The following HNF4A variants were observed in gnomAD, a reference collection of about 807,000 sequenced individuals.
The protein encoded by HNF4A is hepatocyte nuclear factor 4 alpha, also known as hepatocyte nuclear factor 4-alpha.
HNF4A carries 15 observed loss-of-function variants against 52.4 expected under a neutral mutation model. That is an observed-to-expected ratio of 0.29 (90% CI 0.19 to 0.44). The LOEUF (loss-of-function observed/expected upper bound fraction) is 0.44. HNF4A is among the 20% of genes least tolerant of loss of function. HNF4A has a pLI of 1.00. For synonymous variants in HNF4A, 280 were observed against 264.4 expected, an observed-to-expected ratio of 1.06 and a Z score of -0.57; for missense variants, 479 against 647.2, an observed-to-expected ratio of 0.74 and a Z score of 2.82.
upstream of HNF4A, among the ~76,000 whole-genome samples, chr20:44,398,748 G>C (rs1005725611): frequency 3.9e-5 from 6 of 152,218 alleles, no homozygotes; most frequent in African/African-American, 1.4e-4. Flanking sequence ...CCACCTAGTA[G>C]CTCTTGGATA....
chr20:44,385,617 C>A (rs975872286), intron 1 of HNF4A, among the ~76,000 whole-genome samples: 2 of 151,636 alleles, frequency 1.3e-5, no homozygotes, highest in Admixed American at 1.3e-4. Context: ...TACAGGCATG[C>A]ACCACCACAC....
At chr20:44,370,978 C>T (rs1275227295) in intron 1 of HNF4A, among the ~76,000 whole-genome samples, 1 of 152,158 alleles carries the variant, frequency 6.6e-6, no homozygotes, top group Non-Finnish European at 1.5e-5. Context: ...AGGAGCAGGT[C>T]AGAAAGTTGT....
upstream of HNF4A, among the ~76,000 whole-genome samples, chr20:44,400,700 G>A (rs977553618): frequency 9.9e-5 from 15 of 152,112 alleles, no homozygotes; most frequent in African/African-American, 3.6e-4. Context: ...GGTGAATCTG[G>A]CCCTCCCAAA....
rs376508868 is a variant in HNF4A, at chr20:44,413,930, G to A, written c.492+130G>A. 24 of 713,684 alleles carry A rather than the reference G, an allele frequency of 3.4e-5. 2 individuals are homozygous for A. The highest frequency in any genetic ancestry group is 3.0e-4 in the South Asian group (20 of 66,682). The allele number at this position is 713,684 out of a possible 1,614,324, so 44.2% of individuals were successfully genotyped here. On this transcript the variant is annotated intron_variant, in intron 4 of 9. Transcript: ENST00000316099. The stretch of plus-strand genomic sequence containing the variant: ...GAGGGGCCTCAGATATTACAGAAGG[G>A]ACACTGAGTCCGGTTTCACATGGCC...
At chr20:44,396,555 A>C (rs974704788), upstream of HNF4A, among the ~76,000 whole-genome samples, 5 of 152,092 alleles carry the variant, frequency 3.3e-5, no homozygotes, top group African/African-American at 1.2e-4. Flanking sequence ...ACAGCAAGTG[A>C]GCAGAGGTAA....
In HNF4A at chr20:44,418,457, C is replaced by A. The variant is rs1213428004; in HGVS notation, c.681C>A (p.His227Gln). The change falls in exon 6 of 10, where the codon CAC (histidine) becomes CAA (glutamine). Residue 227 changes from histidine to glutamine, a missense_variant. His to Gln is a conservative substitution (Grantham distance 24). Transcript: ENST00000316099. ...TGCTCAGAGCCCATGCTGGCGAGCA[C>A]CTGCTGCTCGGAGCCACCAAGAGAT... is the stretch of plus-strand genomic sequence containing the variant. The A allele has an allele frequency of 1.2e-6, 2 of 1,613,830 alleles. No individual in the cohort carries two copies. Among genetic ancestry groups the A allele is most frequent in the Non-Finnish European group, 1.7e-6 (2 of 1,179,986 alleles).
chr20:44,373,842 A>G (rs903640250), intron 1 of HNF4A, among the ~76,000 whole-genome samples: 1 of 151,928 alleles, frequency 6.6e-6, no homozygotes, highest in East Asian at 1.9e-4. Flanking sequence ...GGCACGCACC[A>G]CCATGCCTGG....
At chr20:44,365,434 T>A (rs2062960995) in intron 1 of HNF4A, among the ~76,000 whole-genome samples, 1 of 152,094 alleles carries the variant, frequency 6.6e-6, no homozygotes, top group Non-Finnish European at 1.5e-5. Context: ...CCTCCCAAAA[T>A]GCCGGGATTA....
intron 1 of HNF4A, among the ~76,000 whole-genome samples, chr20:44,359,568 G>A (rs561052417): frequency 1.3e-5 from 2 of 152,250 alleles, no homozygotes; most frequent in Non-Finnish European, 1.5e-5. Context: ...CAGAACTGAG[G>A]CTCTGGTATA....
At position 44,430,355 on chromosome 20, in the gene HNF4A, C is replaced by T. The variant is rs1446491806; in HGVS notation, c.*690C>T. 1 of 152,502 alleles carries T rather than the reference C, an allele frequency of 6.6e-6. No homozygotes were observed. The highest frequency in any genetic ancestry group is 1.5e-5 in the Non-Finnish European group (1 of 68,168). 9.4% of individuals were successfully genotyped at this position (152,502 alleles called of 1,614,324 possible). A position where few individuals can be genotyped will look rare whatever the true frequency, so the allele number is the denominator to read the frequency against. Reference sequence around the variant, plus strand: ...CCTCCAACCCAACCTCATCCTCCTTCTTCAGGGACTTGGGTGGGTACTTGG... The same window carrying T: ...CCTCCAACCCAACCTCATCCTCCTTTTTCAGGGACTTGGGTGGGTACTTGG... On this transcript the variant is annotated 3_prime_UTR_variant, in exon 10 of 10. Coordinates refer to ENST00000316099, the MANE Select transcript of HNF4A (RefSeq NM_000457.6).
upstream of HNF4A, among the ~76,000 whole-genome samples, chr20:44,398,911 A>G (rs1397723959): frequency 1.3e-5 from 2 of 152,256 alleles, no homozygotes; most frequent in Non-Finnish European, 2.9e-5. Flanking sequence ...CCCGTTAAGC[A>G]ATGTGGAACT....
rs552457668 is a variant in HNF4A at position 44,360,735 on chromosome 20, A to G, written c.49+4882A>G. 5.3e-5 allele frequency among the ~76,000 whole-genome samples: 8 copies of G among 152,282 alleles called. No individual in the cohort carries two copies. The South Asian group carries it at 1.7e-3, about 32-fold the overall frequency. On this transcript the variant is annotated intron_variant, in intron 1 of 9. Transcript: ENST00000316673. ...CAGGTGAGCCTAATTTTTCCTAGCT[A>G]TGTAGGCCTAGTCCCTTTGACCAAT...
chr20:44,364,817 TAACA>T (rs1169710673), intron 1 of HNF4A, among the ~76,000 whole-genome samples: 1 of 152,186 alleles, frequency 6.6e-6, no homozygotes, highest in Non-Finnish European at 1.5e-5. Flanking sequence ...ATAGCTTATG[TAACA>T]AGCAAATGCA....
chr20:44,358,770 G>A (rs1212341893), intron 1 of HNF4A, among the ~76,000 whole-genome samples: 1 of 152,204 alleles, frequency 6.6e-6, no homozygotes, highest in Admixed American at 6.5e-5. Flanking sequence ...GTTAGAGGCA[G>A]AGGAAGACAT....
At chr20:44,412,881 C>T (rs752905569) in intron 3 of HNF4A, among the ~76,000 whole-genome samples, 1 of 152,142 alleles carries the variant, frequency 6.6e-6, no homozygotes, top group Non-Finnish European at 1.5e-5. Flanking sequence ...CAGAGAGAGG[C>T]TGCGATTGCC....
chr20:44,355,758 C>G (rs2062850018), exon 1 of HNF4A: 9 of 1,585,988 alleles, frequency 5.7e-6, no homozygotes, highest in Non-Finnish European at 7.8e-6. Flanking sequence ...TGTGAGCGGG[C>G]CCCTGCTCCT....
At chr20:44,396,288 G>A (rs1354509153), upstream of HNF4A, among the ~76,000 whole-genome samples, 1 of 152,194 alleles carries the variant, frequency 6.6e-6, no homozygotes, top group African/African-American at 2.4e-5. Flanking sequence ...GAGAAGGCTA[G>A]AAGGTTTTTA....
intron 8 of HNF4A, among the ~76,000 whole-genome samples, chr20:44,425,656 C>CATTT: frequency 7.7e-6 from 1 of 129,466 alleles, no homozygotes; most frequent in African/African-American, 2.8e-5. Context: ...TTCTTTTTTC[C>CATTT]TTTTTTTTTT....
chr20:44,358,557 C>T (rs1391883239), intron 1 of HNF4A, among the ~76,000 whole-genome samples: 1 of 152,186 alleles, frequency 6.6e-6, no homozygotes, highest in Non-Finnish European at 1.5e-5. Flanking sequence ...TTGCATTAAG[C>T]TGAGATCATG....
Sources: gnomAD v4.1 joint callset for allele counts (sites outside exome capture counted in the v4.1 genomes callset) on GRCh38, gnomAD v4.1.1 for gene constraint, MANE v1.5 for transcripts, NCBI Gene and HGNC (gene_info 2026-07-23, HGNC 2026-07-21) for gene names.